ALK: variants seen among roughly 807,000 people sequenced by gnomAD.
ALK encodes ALK tyrosine kinase receptor.
A neutral mutation model predicts 163.1 loss-of-function variants in ALK; 74 were observed. The ratio of observed to expected loss-of-function variants is 0.45; its 90% CI spans 0.38 to 0.55. The LOEUF is 0.55. ALK is among the 20% of genes least tolerant of loss of function. ALK has a pLI of 0.00. For missense variants in ALK, 2,063 were observed against 2,105.3 expected, an observed-to-expected ratio of 0.98 and a Z score of 0.39; for synonymous variants, 960 against 843.2, an observed-to-expected ratio of 1.14 and a Z score of -2.40.
At chr2:29,668,590 C>G (rs74760746) in intron 3 of ALK, among the ~76,000 whole-genome samples, 2,613 of 152,004 alleles carry the variant, frequency 0.017, 70 homozygotes, top group African/African-American at 0.058. Context: ...GAGTTTTATC[C>G]CATTGTGGGC....
chr2:29,575,572 C>T (rs1227858422), intron 3 of ALK, among the ~76,000 whole-genome samples: 1 of 152,202 alleles, frequency 6.6e-6, no homozygotes, highest in African/African-American at 2.4e-5. Flanking sequence ...GAAATTAGTG[C>T]TGGCTCTAGC....
At chr2:29,420,940 C>T (rs936657454) in intron 4 of ALK, among the ~76,000 whole-genome samples, 3 of 151,470 alleles carry the variant, frequency 2.0e-5, no homozygotes, top group Non-Finnish European at 2.9e-5. Context: ...ATTACATGCT[C>T]GGGGAGGTCG....
intron 11 of ALK, among the ~76,000 whole-genome samples, chr2:29,271,531 C>T (rs947646960): frequency 1.3e-5 from 2 of 152,116 alleles, no homozygotes; most frequent in African/African-American, 4.8e-5. Flanking sequence ...GAGCTGGAAA[C>T]GGGAAGGGAC....
rs375994893 is a variant in ALK, at chr2:29,418,332, A to C, written c.1155-34473T>G. Among the ~76,000 whole-genome samples the C allele has an allele frequency of 3.6e-4, 55 of 152,326 alleles. No individual in the cohort carries two copies. In the East Asian group the frequency reaches 8.7e-3, roughly 24 times the overall value. ...ACTAGAAAACCTAGCCCCGAGGTCCAAGTTTTTATGCTCTCTACTCTCTTG... is the reference window on the plus strand; with the variant it reads ...ACTAGAAAACCTAGCCCCGAGGTCCCAGTTTTTATGCTCTCTACTCTCTTG... On this transcript the variant is annotated intron_variant, in intron 4 of 28. Transcript: ENST00000389048.
At chr2:29,863,604 T>C (rs368319838) in intron 1 of ALK, among the ~76,000 whole-genome samples, 1 of 151,736 alleles carries the variant, frequency 6.6e-6, no homozygotes, top group Non-Finnish European at 1.5e-5. Flanking sequence ...ATGGCTATTA[T>C]CAAAAAATAA....
chr2:29,618,853 C>T (rs959142822), intron 3 of ALK, among the ~76,000 whole-genome samples: 1 of 152,126 alleles, frequency 6.6e-6, no homozygotes, highest in Non-Finnish European at 1.5e-5. Flanking sequence ...GTGGCGCACG[C>T]CTGTAATCCC....
chr2:29,369,142 C>T (rs187652323), intron 5 of ALK, among the ~76,000 whole-genome samples: 111 of 152,300 alleles, frequency 7.3e-4, no homozygotes, highest in African/African-American at 2.5e-3. Flanking sequence ...TTCTTATCTA[C>T]CTAGAGCCTT....
At chr2:29,539,510 G>C (rs1224477176) in intron 3 of ALK, among the ~76,000 whole-genome samples, 1 of 151,910 alleles carries the variant, frequency 6.6e-6, no homozygotes, top group African/African-American at 2.4e-5. Context: ...GTTTTACTTT[G>C]ATTATTCTCA....
At chr2:29,820,322 C>G (rs1293119206) in intron 1 of ALK, among the ~76,000 whole-genome samples, 1 of 152,182 alleles carries the variant, frequency 6.6e-6, no homozygotes, top group Non-Finnish European at 1.5e-5. Flanking sequence ...GAAGCAGATT[C>G]TCCAGCTCCA....
At chr2:29,775,546 A>AAC (rs1681152704) in intron 1 of ALK, among the ~76,000 whole-genome samples, 1 of 151,982 alleles carries the variant, frequency 6.6e-6, no homozygotes, top group Non-Finnish European at 1.5e-5. Context: ...ACAAAAAAAA[A>AAC]AAAACAAAAA....
At chr2:29,630,028 T>A (rs1382928260) in intron 3 of ALK, among the ~76,000 whole-genome samples, 2 of 152,190 alleles carry the variant, frequency 1.3e-5, no homozygotes, top group Non-Finnish European at 2.9e-5. Context: ...TAGGAAGATA[T>A]TATGCTTTAA....
chr2:29,671,299 G>T (rs1677679547), intron 3 of ALK, among the ~76,000 whole-genome samples: 1 of 152,056 alleles, frequency 6.6e-6, no homozygotes, highest in Non-Finnish European at 1.5e-5. Flanking sequence ...CCAGTAGTGT[G>T]GGAAGGCTGG....
At chr2:29,527,834 T>TCATCACGTCACATTA in intron 4 of ALK, among the ~76,000 whole-genome samples, 1 of 152,042 alleles carries the variant, frequency 6.6e-6, no homozygotes, top group South Asian at 2.1e-4. Flanking sequence ...AGTTTGACCT[T>TCATCACGTCACATTA]CATCACGTCA....
At chr2:29,466,285 C>A (rs1158586379) in intron 4 of ALK, among the ~76,000 whole-genome samples, 1 of 151,946 alleles carries the variant, frequency 6.6e-6, no homozygotes, top group Non-Finnish European at 1.5e-5. Context: ...TCTTAGTTCC[C>A]GTCATCTATT....
At position 29,841,762 on chromosome 2, in the gene ALK, C is replaced by T. The variant is rs187455408; in HGVS notation, c.667+78231G>A. 5.6e-3 allele frequency among the ~76,000 whole-genome samples: 848 copies of T among 152,276 alleles called. 6 individuals carry two copies. Among genetic ancestry groups the T allele is most frequent in the Non-Finnish European group, 9.3e-3 (636 of 68,022 alleles). On this transcript the variant is annotated intron_variant, in intron 1 of 28. Coordinates refer to ENST00000389048, the MANE Select transcript of ALK (RefSeq NM_004304.5). ...AAATAAACTTCCATTTCTTCATCTT[C>T]CAAAAATACCCATCGAAACTAGTTT... is the stretch of plus-strand genomic sequence containing the variant.
intron 3 of ALK, among the ~76,000 whole-genome samples, chr2:29,692,208 C>T (rs1481814898): frequency 6.6e-6 from 1 of 152,092 alleles, no homozygotes. Context: ...AAAATACAGC[C>T]TGACAATAGC....
intron 4 of ALK, among the ~76,000 whole-genome samples, chr2:29,432,158 C>T (rs1670287137): frequency 6.6e-6 from 1 of 152,012 alleles, no homozygotes; most frequent in South Asian, 2.1e-4. Flanking sequence ...ATGTTTTGTC[C>T]CCTCCAAATG....
chr2:29,544,320 G>A (rs373104008), intron 3 of ALK, among the ~76,000 whole-genome samples: 1 of 152,168 alleles, frequency 6.6e-6, no homozygotes, highest in African/African-American at 2.4e-5. Flanking sequence ...GGGCGAATGA[G>A]TCTGGGGACT....
intron 1 of ALK, among the ~76,000 whole-genome samples, chr2:29,780,118 A>G (rs540828968): frequency 6.6e-5 from 10 of 152,354 alleles, no homozygotes; most frequent in Admixed American, 2.6e-4. Flanking sequence ...AAGATTATCA[A>G]TCGACCTGCA....
Sources: gnomAD v4.1 joint callset for allele counts (sites outside exome capture counted in the v4.1 genomes callset) on GRCh38, gnomAD v4.1.1 for gene constraint, MANE v1.5 for transcripts, NCBI Gene and HGNC (gene_info 2026-07-23, HGNC 2026-07-21) for gene names.